Variants in ZSCAN23 observed in about 807,000 individuals in gnomAD.
ZSCAN23 encodes the protein zinc finger and SCAN domain containing 23.
A neutral mutation model predicts 19.3 loss-of-function variants in ZSCAN23; 19 were observed. The observed-to-expected ratio is 0.99, with a 90% CI of 0.69 to 1.45. ZSCAN23 has a LOEUF of 1.45. Among genes scored for constraint, ZSCAN23 ranks in the 40% most tolerant of loss-of-function variants. The pLI is 0.00. For synonymous variants in ZSCAN23, 140 were observed against 166.2 expected (o/e 0.84, Z 1.21); for missense variants, 372 against 462.5 (o/e 0.80, Z 1.79).
chr6:28,442,168 T>C (rs919414230), intron 1 of ZSCAN23, among the ~76,000 whole-genome samples: 6 of 152,164 alleles, frequency 3.9e-5, no homozygotes, highest in South Asian at 2.1e-4. Context: ...TGAACCATAG[T>C]GCCAGGCCAT....
At chr6:28,435,316 G>T (rs1168102493) in intron 3 of ZSCAN23, 144 bp downstream of exon 3, 6 of 1,202,728 alleles carry the variant, frequency 5.0e-6, no homozygotes, top group African/African-American at 3.1e-5. Context: ...CTTCGTGAGA[G>T]TGGGGACCAC....
rs1249364349 is a variant in ZSCAN23, at chr6:28,434,772, T to C, written c.863A>G (p.Gln288Arg). 2 of 1,602,558 alleles carry C rather than the reference T, an allele frequency of 1.2e-6. No individual in the cohort carries two copies. Among genetic ancestry groups the C allele is most frequent in the East Asian group, 2.3e-5 (1 of 44,370 alleles). Residue 288 changes from glutamine (Q) to arginine (R), a missense_variant, in exon 4 of 4, where the codon CAG (glutamine) becomes CGG (arginine). Gln to Arg is a conservative substitution (Grantham distance 43, BLOSUM62 1). Coordinates refer to ENST00000289788, the MANE Select transcript of ZSCAN23 (RefSeq NM_001012455.2). ...CTGGTGCTGGAATAGGCCTGACCTCTGGCTGAAGGCCCGCCCACACTCATC... is the reference window on the plus strand; with the variant it reads ...CTGGTGCTGGAATAGGCCTGACCTCCGGCTGAAGGCCCGCCCACACTCATC... ...ECDECGRAFSQRSGLFQHQRL... is the reference protein window; with the variant it reads ...ECDECGRAFSRRSGLFQHQRL...
Position 28,432,806 on chromosome 6 carries a change from C to G in ZSCAN23, c.*1659G>C, listed in dbSNP as rs1761785781. The G allele has an allele frequency of 6.6e-6, 1 of 151,884 alleles. No individual in the cohort carries two copies. Among genetic ancestry groups the G allele is most frequent in the Admixed American group, 6.6e-5 (1 of 15,260 alleles). The allele number at this position is 151,884 out of a possible 1,614,324, so 9.4% of individuals were successfully genotyped here. On this transcript the variant is annotated 3_prime_UTR_variant, in exon 4 of 4. Coordinates refer to ENST00000289788, the MANE Select transcript of ZSCAN23 (RefSeq NM_001012455.2). ...AGATTATATTCTTTCATGAAAACAG[C>G]AAGGTATTAGAAGAGTATAAATAAT...
chr6:28,432,376 A>G (rs1432637357), downstream of ZSCAN23, among the ~76,000 whole-genome samples: 1 of 152,170 alleles, frequency 6.6e-6, no homozygotes, highest in Non-Finnish European at 1.5e-5. Context: ...AGACACAATA[A>G]AAAATACTTT....
rs1332223921 is a variant in ZSCAN23, at chr6:28,432,713, GAACA to G, written c.*1748_*1751del. The stretch of plus-strand genomic sequence containing the variant: ...AGGAGTTTGTTAAACTATGGAGTAT[GAACA>G]AATAAAATTCTATTCACTTATAAAA... On this transcript the variant is annotated 3_prime_UTR_variant, in exon 4 of 4. Transcript: ENST00000289788. The G allele has an allele frequency of 6.6e-6, 1 of 152,098 alleles. No homozygotes were observed. The highest frequency in any genetic ancestry group is 2.4e-5 in the African/African-American group (1 of 41,442). 9.4% of individuals were successfully genotyped at this position (152,098 alleles called of 1,614,324 possible).
In ZSCAN23 at chr6:28,435,040, T is replaced by C; in HGVS notation, c.595A>G (p.Lys199Glu). 6.4e-7 allele frequency: 1 copy of C among 1,550,478 alleles called. No homozygotes were observed. The highest frequency in any genetic ancestry group is 8.7e-7 in the Non-Finnish European group (1 of 1,146,050). Residue 199 changes from lysine (K) to glutamate (E), a missense_variant, in exon 4 of 4, where the codon AAG becomes GAG. Coordinates refer to ENST00000289788, the MANE Select transcript of ZSCAN23 (RefSeq NM_001012455.2). ...AGTWNVELAP[K>E]REISQEVKSL... Reference sequence around the variant, plus strand: ...TTCACTTCCTGAGAAATCTCCCTCTTTGGGGCTAACTCCACATTCCAAGTC... The same window carrying C: ...TTCACTTCCTGAGAAATCTCCCTCTCTGGGGCTAACTCCACATTCCAAGTC...
Position 28,435,605 on chromosome 6 carries a change from G to C in ZSCAN23, c.411C>G (p.Val137=). 1 of 1,550,382 alleles carries C rather than the reference G, an allele frequency of 6.5e-7. No individual in the cohort carries two copies. Among genetic ancestry groups the C allele is most frequent in the South Asian group, 1.2e-5 (1 of 83,742 alleles). ...ERELDDPGEQ[V]LSHAHEQEEF... ...CTTCCTGTTCATGAGCATGGCTCAG[G>C]ACCTGGTGGAAATCAAGGACAGTTG... The change falls in exon 3 of 4, where the codon GTC becomes GTG. Residue 137 remains valine (V), a splice_region_variant and synonymous_variant. Transcript: ENST00000289788.
chr6:28,422,510 TTA>T, the ZSCAN23 span, among the ~76,000 whole-genome samples: 5 of 152,314 alleles, frequency 3.3e-5, no homozygotes, highest in African/African-American at 9.6e-5. This position sits in a 1 kb window ranked among gnomAD's most constrained non-coding sequence, Gnocchi z 4.0. Context: ...TACTAAAGTT[TTA>T]TGTTTCCTAC....
chr6:28,430,256 G>C (rs1431801953), downstream of ZSCAN23, among the ~76,000 whole-genome samples: 1 of 152,048 alleles, frequency 6.6e-6, no homozygotes, highest in Non-Finnish European at 1.5e-5. Flanking sequence ...GAGCACCTTA[G>C]AGCCCAACCA....
intron 1 of ZSCAN23, among the ~76,000 whole-genome samples, chr6:28,439,909 G>T (rs1761968081): frequency 6.6e-6 from 1 of 152,170 alleles, no homozygotes; most frequent in Non-Finnish European, 1.5e-5. Flanking sequence ...AGAGGGGCCA[G>T]GATGAGGAAA....
chr6:28,436,098 G>A lies in ZSCAN23; in HGVS notation c.169C>T (p.Gln57Ter), dbSNP rs867994787. 4.4e-5 allele frequency: 71 copies of A among 1,613,926 alleles called. No homozygotes were observed. The highest frequency in any genetic ancestry group is 5.9e-5 in the Non-Finnish European group (70 of 1,179,896). The change falls in exon 2 of 4, where the codon CAG becomes TAG. Residue 57 changes from glutamine (Q) to a stop codon, truncating the protein, a stop_gained. Transcript: ENST00000289788. LOFTEE classifies it high-confidence loss of function. ...GCCTCCCGGGGCCCAGGGGACTCCT[G>A]ATAGCAGAACTGCCTGAAGCGTCTA... The part of the protein sequence containing the change: ...FRRRFRQFCY[Q>*]ESPGPREALQ...
chr6:28,439,207 C>G (rs777917642), intron 1 of ZSCAN23, among the ~76,000 whole-genome samples: 6 of 152,114 alleles, frequency 3.9e-5, no homozygotes, highest in Non-Finnish European at 8.8e-5. Flanking sequence ...TCCCCTCAGC[C>G]TCCTGAGTAG....
rs780660696 is a variant in ZSCAN23 at position 28,434,896 on chromosome 6, T to C, written c.739A>G (p.Arg247Gly). ...CCACATTCACTACAGATATAGGGTC[T>C]CTCCACTGAAGAGCTCACCCTTTGC... is the stretch of plus-strand genomic sequence containing the variant. ...EKQRVSSSVE[R>G]PYICSECGKS... Residue 247 changes from arginine to glycine, a missense_variant, in exon 4 of 4, where the codon AGA (arginine) becomes GGA (glycine). Arg to Gly is a moderately radical substitution (Grantham distance 125). Coordinates refer to ENST00000289788, the MANE Select transcript of ZSCAN23 (RefSeq NM_001012455.2). The C allele has an allele frequency of 2.0e-5, 31 of 1,554,054 alleles. No homozygotes were observed. The Middle Eastern group carries it at 8.3e-4, about 42-fold the overall frequency.
chr6:28,437,466 C>T (rs1308960762), intron 1 of ZSCAN23, among the ~76,000 whole-genome samples: 15 of 152,106 alleles, frequency 9.9e-5, no homozygotes, highest in Admixed American at 5.9e-4. Flanking sequence ...GCCTGTTATC[C>T]CAGCTACTCA....
chr6:28,431,513 C>T (rs568159270), downstream of ZSCAN23, among the ~76,000 whole-genome samples: 1 of 152,296 alleles, frequency 6.6e-6, no homozygotes, highest in South Asian at 2.1e-4. Flanking sequence ...GAAACTGATT[C>T]AGTAGGTCTG....
chr6:28,436,212 C>T lies in ZSCAN23; in HGVS notation c.55G>A (p.Val19Met), dbSNP rs184586347. ...TCCTCCTCTTCCTCCTTTACCTTCA[C>T]TGCCAGAAGTCCTTCCTGCATCTCT... ...TAEMQEGLLA[V>M]KVKEEEEEHS... is the part of the protein sequence containing the mutation. The change falls in exon 2 of 4, where the codon GTG (valine) becomes ATG (methionine). Residue 19 changes from valine (V) to methionine (M), a missense_variant. Val to Met is a conservative substitution (Grantham distance 21). Transcript: ENST00000289788. 1.9e-6 allele frequency: 3 copies of T among 1,552,572 alleles called. No homozygotes were observed. The Admixed American group carries it at 5.9e-5, about 30-fold the overall frequency.
chr6:28,436,339 G>A lies in ZSCAN23; in HGVS notation c.-73C>T, dbSNP rs1204902272. ...CTTGATCTTTTCTTCTGGAAACCCC[G>A]AGATCTAGACAATAATTTACGAAGA... is the stretch of plus-strand genomic sequence containing the variant. On this transcript the variant is annotated 5_prime_UTR_variant, in exon 2 of 4. Coordinates refer to ENST00000289788, the MANE Select transcript of ZSCAN23 (RefSeq NM_001012455.2). The A allele has an allele frequency of 3.6e-6, 5 of 1,378,334 alleles. No individual in the cohort carries two copies. The highest frequency in any genetic ancestry group is 2.5e-5 in the East Asian group (1 of 39,604). The allele number at this position is 1,378,334 out of a possible 1,614,324, so 85.4% of individuals were successfully genotyped here.
At chr6:28,435,407 T>G (rs1761857948) in intron 3 of ZSCAN23, 53 bp downstream of exon 3, 1 of 1,531,970 alleles carries the variant, frequency 6.5e-7, no homozygotes, top group Non-Finnish European at 8.8e-7. Flanking sequence ...TGGGTTGAAT[T>G]GATAAATATT....
intron 1 of ZSCAN23, among the ~76,000 whole-genome samples, chr6:28,436,886 G>A (rs934120889): frequency 1.3e-5 from 2 of 152,160 alleles, no homozygotes; most frequent in Admixed American, 6.5e-5. Flanking sequence ...AGTGTGTAAG[G>A]TCTTGGACTG....
Sources: allele counts gnomAD v4.1 joint callset (sites outside exome capture counted in the v4.1 genomes callset), GRCh38; gene constraint gnomAD v4.1.1; non-coding constraint Gnocchi (gnomAD v3.1); transcripts MANE v1.5; gene names NCBI Gene and HGNC (gene_info 2026-07-23, HGNC 2026-07-21).